Variants in NTN4 observed in about 807,000 individuals in gnomAD.
NTN4 encodes the protein netrin 4.
A neutral mutation model predicts 73.6 loss-of-function variants in NTN4; 32 were observed. That is an observed-to-expected ratio of 0.44 (90% CI 0.33 to 0.58). NTN4 has a LOEUF of 0.58. Ranked by LOEUF, NTN4 falls within the 20% of genes least tolerant of loss-of-function variation. NTN4 has a pLI of 0.04. For synonymous variants in NTN4, 258 were observed against 287.5 expected (o/e 0.90, Z 1.04); for missense variants, 654 against 798.3 (o/e 0.82, Z 2.18).
chr12:95,682,057 C>CTTTTTTGTTTTTTT (rs2078320553), intron 7 of NTN4, among the ~76,000 whole-genome samples: 1 of 64,546 alleles, frequency 1.5e-5, no homozygotes, highest in Non-Finnish European at 2.6e-5. Flanking sequence ...ATTCAGTAGG[C>CTTTTTTGTTTTTTT]TTTTTTTTTT....
chr12:95,670,997 T>G (rs945705146), intron 7 of NTN4: 2 of 150,490 alleles, frequency 1.3e-5, no homozygotes, highest in African/African-American at 5.0e-5. Flanking sequence ...TGTATATATT[T>G]ATTTATTTAT....
intron 3 of NTN4, among the ~76,000 whole-genome samples, chr12:95,715,972 G>A (rs1432238659): frequency 1.3e-5 from 2 of 151,788 alleles, no homozygotes; most frequent in East Asian, 1.9e-4. Context: ...AAAATCTTCC[G>A]AGGCTGAAGA....
chr12:95,705,145 T>C (rs2078513681), intron 5 of NTN4, among the ~76,000 whole-genome samples: 1 of 152,182 alleles, frequency 6.6e-6, no homozygotes, highest in Non-Finnish European at 1.5e-5. Flanking sequence ...CAGACAAATA[T>C]GTTACAATTA....
chr12:95,753,147 G>A (rs934358542), intron 2 of NTN4, among the ~76,000 whole-genome samples: 6 of 152,002 alleles, frequency 3.9e-5, no homozygotes, highest in South Asian at 2.1e-4. Context: ...ATTTATTGAC[G>A]GCAGTTCCAC....
chr12:95,741,622 G>GT (rs1398748727), intron 2 of NTN4, among the ~76,000 whole-genome samples: 3 of 112,824 alleles, frequency 2.7e-5, no homozygotes, highest in Non-Finnish European at 4.0e-5. Context: ...CTTTTAAAGT[G>GT]TTTAATATAT....
At position 95,663,140 on chromosome 12, in the gene NTN4, A is replaced by C. The variant is rs371463254; in HGVS notation, c.1750+2670T>G. ...GTCTTTAAAAAAAGAAAAAAAAAGAAAGAAATCAATCTCAGGGTTAAGTCT... is the reference window on the plus strand; with the variant it reads ...GTCTTTAAAAAAAGAAAAAAAAAGACAGAAATCAATCTCAGGGTTAAGTCT... On this transcript the variant is annotated intron_variant, in intron 9 of 9. Transcript: ENST00000343702. Among the ~76,000 whole-genome samples the C allele has an allele frequency of 1.1e-4, 16 of 152,268 alleles. 2 individuals are homozygous for C. The highest frequency in any genetic ancestry group is 3.9e-4 in the African/African-American group (16 of 41,550).
intron 2 of NTN4, among the ~76,000 whole-genome samples, chr12:95,758,458 G>A (rs966854826): frequency 6.6e-6 from 1 of 152,172 alleles, no homozygotes; most frequent in African/African-American, 2.4e-5. Context: ...TATGAATTGT[G>A]ATATGTAAAT....
rs114922937 is a variant in NTN4, at chr12:95,690,240, C to A, written c.1181-6529G>T. ...CTAATAATGTGTATATTTAAGGCAG[C>A]GTTTATTTACCCATTCACTTACTCA... On this transcript the variant is annotated intron_variant, in intron 5 of 9. Coordinates refer to ENST00000343702, the MANE Select transcript of NTN4 (RefSeq NM_021229.4). Among the ~76,000 whole-genome samples the A allele has an allele frequency of 3.1e-3, 473 of 152,276 alleles. 2 individuals are homozygous for A. The highest frequency in any genetic ancestry group is 0.011 in the African/African-American group (455 of 41,548).
chr12:95,769,900 G>A (rs2079045281), intron 2 of NTN4, among the ~76,000 whole-genome samples: 1 of 151,928 alleles, frequency 6.6e-6, no homozygotes, highest in Admixed American at 6.6e-5. Flanking sequence ...GGGATTATAA[G>A]CTTGCGCCAC....
chr12:95,750,726 A>C (rs892606439), intron 2 of NTN4, among the ~76,000 whole-genome samples: 2 of 151,258 alleles, frequency 1.3e-5, no homozygotes, highest in African/African-American at 2.4e-5. Flanking sequence ...TCTAATCTTC[A>C]TTTTCTACAG....
At chr12:95,765,158 A>G (rs1221518967) in intron 2 of NTN4, among the ~76,000 whole-genome samples, 1 of 152,244 alleles carries the variant, frequency 6.6e-6, no homozygotes, top group Non-Finnish European at 1.5e-5. Context: ...GTCTAAAAAT[A>G]TCTTTAAAAA....
intron 3 of NTN4, among the ~76,000 whole-genome samples, chr12:95,724,026 T>A (rs1381465554): frequency 6.6e-6 from 1 of 152,162 alleles, no homozygotes; most frequent in Non-Finnish European, 1.5e-5. Flanking sequence ...ACCTAGAGTT[T>A]TTTTTTTAAA....
chr12:95,735,998 G>A (rs918757717), intron 3 of NTN4, among the ~76,000 whole-genome samples: 13 of 151,080 alleles, frequency 8.6e-5, no homozygotes, highest in Non-Finnish European at 2.9e-5. Flanking sequence ...GAGTGCAGTG[G>A]CACGATCTCG....
At chr12:95,775,111 C>G (rs1276136716) in intron 2 of NTN4, among the ~76,000 whole-genome samples, 1 of 152,224 alleles carries the variant, frequency 6.6e-6, no homozygotes, top group South Asian at 2.1e-4. Context: ...CTAAGGAACA[C>G]TAGCAAAAGG....
At chr12:95,672,999 C>T in intron 7 of NTN4, 1 of 1,254,820 alleles carries the variant, frequency 8.0e-7, no homozygotes, top group Non-Finnish European at 1.2e-6. Flanking sequence ...GCATGGAGTT[C>T]CTGGGGGATG....
intron 2 of NTN4, among the ~76,000 whole-genome samples, chr12:95,755,935 G>C (rs940973256): frequency 1.1e-4 from 17 of 152,198 alleles, no homozygotes; most frequent in Non-Finnish European, 1.8e-4. Context: ...TGGAATCCTA[G>C]CCTTTTTTTC....
chr12:95,672,662 G>A, intron 7 of NTN4: 2 of 1,488,376 alleles, frequency 1.3e-6, no homozygotes, highest in Non-Finnish European at 9.4e-7. Context: ...GTGCTCCTAT[G>A]ATGTCCCACC....
Position 95,784,946 on chromosome 12 carries a change from T to C in NTN4, c.585+1993A>G, listed in dbSNP as rs180922245. ...TAAAAAAGACAAGACTGTATTTCCA[T>C]ATAGGTTAGTTCAAAGTTACTGTAG... On this transcript the variant is annotated intron_variant, in intron 2 of 9. Transcript: ENST00000343702. Among the ~76,000 whole-genome samples, 682 of 152,316 alleles carry C rather than the reference T, an allele frequency of 4.5e-3. 2 individuals are homozygous for C. Among genetic ancestry groups the C allele is most frequent in the Non-Finnish European group, 7.9e-3 (540 of 68,030 alleles).
intron 8 of NTN4, among the ~76,000 whole-genome samples, chr12:95,666,867 C>T (rs2078184396): frequency 6.6e-6 from 1 of 152,234 alleles, no homozygotes; most frequent in African/African-American, 2.4e-5. Context: ...TGTCCAACCT[C>T]TTGACTTCCC....
Sources: allele counts gnomAD v4.1 joint callset (sites outside exome capture counted in the v4.1 genomes callset), GRCh38; gene constraint gnomAD v4.1.1; transcripts MANE v1.5; gene names NCBI Gene and HGNC (gene_info 2026-07-23, HGNC 2026-07-21).